Variants in VPS13B observed in about 807,000 individuals in gnomAD.
The protein encoded by VPS13B is intermembrane lipid transfer protein VPS13B.
In VPS13B, 285 loss-of-function variants were observed where a neutral mutation model predicts 426.4. That is an observed-to-expected ratio of 0.67 (90% CI 0.61 to 0.74). The LOEUF (loss-of-function observed/expected upper bound fraction) is 0.74, where lower values mean the gene tolerates loss of function less well. Among genes scored for constraint, VPS13B ranks in the 30% least tolerant of loss-of-function variants. The pLI, the probability that VPS13B is intolerant of heterozygous loss-of-function variation, is 0.00. For missense variants in VPS13B, 4,537 were observed against 4,782.6 expected, an observed-to-expected ratio of 0.95 and a Z score of 1.51; for synonymous variants, 1,676 against 1,676.4, an observed-to-expected ratio of 1.00 and a Z score of 0.01.
chr8:99,741,729 G>T (rs1409042928), intron 39 of VPS13B, among the ~76,000 whole-genome samples: 1 of 152,252 alleles, frequency 6.6e-6, no homozygotes, highest in Non-Finnish European at 1.5e-5. Context: ...TGACTACTGG[G>T]TACATAACGA....
At chr8:99,450,885 A>T (rs186665653) in intron 23 of VPS13B, among the ~76,000 whole-genome samples, 1 of 152,308 alleles carries the variant, frequency 6.6e-6, no homozygotes, top group Non-Finnish European at 1.5e-5. Context: ...GAATAGACCA[A>T]AAAGAACACA....
intron 12 of VPS13B, among the ~76,000 whole-genome samples, chr8:99,138,872 T>TA (rs1336292417): frequency 6.6e-6 from 1 of 152,202 alleles, no homozygotes; most frequent in East Asian, 1.9e-4. Flanking sequence ...ATGTAGTAGT[T>TA]ACCTTTTAAG....
At chr8:99,463,199 T>C (rs1818927710) in intron 23 of VPS13B, among the ~76,000 whole-genome samples, 1 of 152,216 alleles carries the variant, frequency 6.6e-6, no homozygotes, top group Non-Finnish European at 1.5e-5. Flanking sequence ...TTCAGTCCCT[T>C]CTTCTTTTAA....
At chr8:99,654,873 A>G (rs1265231909) in intron 34 of VPS13B, among the ~76,000 whole-genome samples, 1 of 151,546 alleles carries the variant, frequency 6.6e-6, no homozygotes, top group Non-Finnish European at 1.5e-5. Context: ...AAAAAAAAAA[A>G]CTGTCTAGGA....
At chr8:99,204,638 A>G (rs1335502099) in intron 17 of VPS13B, among the ~76,000 whole-genome samples, 3 of 152,216 alleles carry the variant, frequency 2.0e-5, no homozygotes, top group Admixed American at 1.3e-4. Flanking sequence ...TTCAGAATCT[A>G]CAAGGAACTT....
intron 35 of VPS13B, among the ~76,000 whole-genome samples, chr8:99,683,810 CGTTTTCTTT>C (rs1216345032): frequency 6.6e-6 from 1 of 152,114 alleles, no homozygotes; most frequent in Non-Finnish European, 1.5e-5. Flanking sequence ...AAATGGGCAT[CGTTTTCTTT>C]GTTATTTATG....
intron 61 of VPS13B, among the ~76,000 whole-genome samples, chr8:99,872,571 C>A (rs1332390285): frequency 6.6e-6 from 1 of 152,200 alleles, no homozygotes; most frequent in Non-Finnish European, 1.5e-5. Flanking sequence ...AACAGGTGCA[C>A]CCACTGGAAA....
chr8:99,822,960 T>C (rs768341), intron 50 of VPS13B, among the ~76,000 whole-genome samples: 34,238 of 152,038 alleles, frequency 0.23, 4,073 homozygotes, highest in East Asian at 0.35. Flanking sequence ...GTTTTGACCG[T>C]GGGACCCCAT....
At chr8:99,666,888 A>G (rs879531730) in intron 35 of VPS13B, among the ~76,000 whole-genome samples, 3 of 152,180 alleles carry the variant, frequency 2.0e-5, no homozygotes, top group Non-Finnish European at 4.4e-5. Flanking sequence ...TGCAGATGAC[A>G]TGATTGTATA....
chr8:99,292,112 G>C (rs760059109), intron 19 of VPS13B, among the ~76,000 whole-genome samples: 1 of 152,054 alleles, frequency 6.6e-6, no homozygotes, highest in Non-Finnish European at 1.5e-5. Context: ...GGTAAGCTTG[G>C]AGTTAATTAT....
chr8:99,406,949 A>G (rs1429294583), intron 21 of VPS13B, among the ~76,000 whole-genome samples: 1 of 152,218 alleles, frequency 6.6e-6, no homozygotes, highest in Non-Finnish European at 1.5e-5. Flanking sequence ...CAGAGAGAAG[A>G]CACTGATTGG....
chr8:99,677,777 G>A (rs78221875), intron 35 of VPS13B, among the ~76,000 whole-genome samples: 1,792 of 152,238 alleles, frequency 0.012, 15 homozygotes, highest in Non-Finnish European at 0.019. Flanking sequence ...AATTCTGTTA[G>A]AATTATTTCT....
At chr8:99,296,024 C>A (rs1820018702) in intron 19 of VPS13B, among the ~76,000 whole-genome samples, 1 of 152,016 alleles carries the variant, frequency 6.6e-6, no homozygotes, top group South Asian at 2.1e-4. Context: ...TACAGTGAGA[C>A]CCTATCTCAA....
Position 99,778,728 on chromosome 8 carries a change from A to G in VPS13B, c.7476A>G (p.Pro2492=), listed in dbSNP as rs913138802. ...LQPFVSDRNM[P]SELEYMIVSF... is the part of the protein sequence containing the mutation. ...CATTTGTTTCCGACAGAAATATGCCATCTGAACTAGAATACATGATTGTTT... is the reference window on the plus strand; with the variant it reads ...CATTTGTTTCCGACAGAAATATGCCGTCTGAACTAGAATACATGATTGTTT... Residue 2492 remains proline (P), a synonymous_variant, in exon 42 of 62, where the codon CCA becomes CCG. Coordinates refer to ENST00000357162, the MANE Select transcript of VPS13B (RefSeq NM_152564.5). 5 of 1,613,900 alleles carry G rather than the reference A, an allele frequency of 3.1e-6. No individual in the cohort carries two copies. The African/African-American group carries it at 4.0e-5, about 13-fold the overall frequency.
intron 33 of VPS13B, among the ~76,000 whole-genome samples, chr8:99,612,865 C>T (rs909978813): frequency 6.6e-6 from 1 of 152,016 alleles, no homozygotes; most frequent in Non-Finnish European, 1.5e-5. Flanking sequence ...ACTCTGACCC[C>T]CCTCCCTATT....
At chr8:99,609,311 G>T (rs1361603517) in intron 33 of VPS13B, among the ~76,000 whole-genome samples, 3 of 152,062 alleles carry the variant, frequency 2.0e-5, no homozygotes, top group African/African-American at 7.2e-5. Context: ...ATTCACATTG[G>T]TTAATATTAC....
At chr8:99,755,481 C>T (rs1475060560) in intron 39 of VPS13B, among the ~76,000 whole-genome samples, 2 of 152,116 alleles carry the variant, frequency 1.3e-5, no homozygotes, top group Non-Finnish European at 2.9e-5. Flanking sequence ...ATAATAAACC[C>T]TGAGGAGGCT....
At chr8:99,186,604 T>C (rs897346447) in intron 16 of VPS13B, among the ~76,000 whole-genome samples, 6 of 152,170 alleles carry the variant, frequency 3.9e-5, no homozygotes, top group Non-Finnish European at 7.4e-5. Flanking sequence ...AGATACCATC[T>C]ATACCCAAAT....
intron 54 of VPS13B, among the ~76,000 whole-genome samples, chr8:99,846,103 C>G (rs1378459054): frequency 1.3e-5 from 2 of 152,168 alleles, no homozygotes; most frequent in Admixed American, 1.3e-4. Flanking sequence ...ACAGCAGAAG[C>G]CACATTGAGA....
Sources: gnomAD v4.1 joint callset for allele counts (sites outside exome capture counted in the v4.1 genomes callset) on GRCh38, gnomAD v4.1.1 for gene constraint, MANE v1.5 for transcripts, NCBI Gene and HGNC (gene_info 2026-07-23, HGNC 2026-07-21) for gene names.